Variants in OSBPL1A observed in about 807,000 individuals in gnomAD.
The protein encoded by OSBPL1A is oxysterol-binding protein-related protein 1.
In OSBPL1A, 80 loss-of-function variants were observed where a neutral mutation model predicts 137.1. That is an observed-to-expected ratio of 0.58 (90% confidence interval 0.49 to 0.70). The LOEUF (loss-of-function observed/expected upper bound fraction) is 0.70, where lower values mean the gene tolerates loss of function less well. OSBPL1A is among the 30% of genes least tolerant of loss of function. OSBPL1A has a pLI of 0.00. For missense variants in OSBPL1A, 970 were observed against 1,129.4 expected, an observed-to-expected ratio of 0.86 and a Z score of 2.02; for synonymous variants, 365 against 389.7, an observed-to-expected ratio of 0.94 and a Z score of 0.75.
intron 2 of OSBPL1A, among the ~76,000 whole-genome samples, chr18:24,373,582 C>T (rs1253862544): frequency 6.6e-6 from 1 of 152,218 alleles, no homozygotes; most frequent in Non-Finnish European, 1.5e-5. Context: ...TCACTTTCCA[C>T]TCACATCAGC....
intron 1 of OSBPL1A, among the ~76,000 whole-genome samples, chr18:24,385,165 A>G (rs1339095285): frequency 6.6e-6 from 1 of 152,000 alleles, no homozygotes; most frequent in Admixed American, 6.6e-5. Flanking sequence ...TGTGTTAGCC[A>G]GGATGGTCTC....
chr18:24,167,045 A>C, intron 25 of OSBPL1A, among the ~76,000 whole-genome samples: 1 of 152,196 alleles, frequency 6.6e-6, no homozygotes, highest in East Asian at 1.9e-4. Context: ...GCACCAGCTT[A>C]TATTTAATAA....
chr18:24,251,571 C>T (rs752169947), intron 15 of OSBPL1A, among the ~76,000 whole-genome samples: 1 of 152,164 alleles, frequency 6.6e-6, no homozygotes, highest in Non-Finnish European at 1.5e-5. Flanking sequence ...CAAGTCTCTT[C>T]GAATACCTGG....
chr18:24,177,155 G>A (rs1435970042), intron 21 of OSBPL1A, among the ~76,000 whole-genome samples: 1 of 152,226 alleles, frequency 6.6e-6, no homozygotes, highest in African/African-American at 2.4e-5. Context: ...GTGTGTGATT[G>A]CCACAGCCAC....
intron 1 of OSBPL1A, among the ~76,000 whole-genome samples, chr18:24,385,109 C>T (rs374472649): frequency 1.6e-4 from 25 of 151,958 alleles, no homozygotes; most frequent in East Asian, 9.9e-4. Context: ...CGCCCGCCAC[C>T]ACACCCGGCT....
At chr18:24,323,938 C>T (rs1241871732) in intron 7 of OSBPL1A, among the ~76,000 whole-genome samples, 3 of 57,412 alleles carry the variant, frequency 5.2e-5, no homozygotes, top group Non-Finnish European at 1.0e-4. Flanking sequence ...TTTTCTTAAT[C>T]CAGTCTATCA....
At position 24,343,058 on chromosome 18, in the gene OSBPL1A, A is replaced by G. The variant is rs573003409; in HGVS notation, c.283-1400T>C. 1.3e-4 allele frequency among the ~76,000 whole-genome samples: 20 copies of G among 152,210 alleles called. No homozygotes were observed. The East Asian group carries it at 2.9e-3, about 22-fold the overall frequency. ...AATTAAAGAAAGTAGAGTAACCCAC[A>G]GAATGAGAAAAAAAAATTTACAAAT... is the stretch of plus-strand genomic sequence containing the variant. On this transcript the variant is annotated intron_variant, in intron 4 of 27. Coordinates refer to ENST00000319481, the MANE Select transcript of OSBPL1A (RefSeq NM_080597.4).
At position 24,216,340 on chromosome 18, in the gene OSBPL1A, T is replaced by C. The variant is rs558397626; in HGVS notation, c.1601+8702A>G. ...GGGCAACACAGTGAAACCCTGTCTG[T>C]ACTAAAATACAAAAAAATTAGCTGG... On this transcript the variant is annotated intron_variant, in intron 17 of 27. Coordinates refer to ENST00000319481, the MANE Select transcript of OSBPL1A (RefSeq NM_080597.4). 1.3e-3 allele frequency among the ~76,000 whole-genome samples: 194 copies of C among 152,278 alleles called. 1 individual carries two copies. Among genetic ancestry groups the C allele is most frequent in the African/African-American group, 4.5e-3 (188 of 41,554 alleles).
At chr18:24,330,919 C>T (rs1278517673) in intron 7 of OSBPL1A, among the ~76,000 whole-genome samples, 7 of 151,984 alleles carry the variant, frequency 4.6e-5, no homozygotes, top group South Asian at 2.1e-4. Flanking sequence ...TTCAGCCTCC[C>T]GAGTAGCTGG....
intron 16 of OSBPL1A, among the ~76,000 whole-genome samples, chr18:24,236,700 T>C (rs2088488738): frequency 6.6e-6 from 1 of 152,168 alleles, no homozygotes; most frequent in Non-Finnish European, 1.5e-5. Context: ...GATGTGCTGA[T>C]GAGCCTAGGC....
chr18:24,349,486 G>A (rs1336476278), intron 4 of OSBPL1A, among the ~76,000 whole-genome samples: 1 of 152,070 alleles, frequency 6.6e-6, no homozygotes, highest in Non-Finnish European at 1.5e-5. Context: ...AATAAAATAT[G>A]CAATAGAAAG....
chr18:24,298,106 C>T (rs112073924), intron 14 of OSBPL1A, among the ~76,000 whole-genome samples: 12,050 of 152,106 alleles, frequency 0.079, 1,553 homozygotes, highest in African/African-American at 0.27. Flanking sequence ...CTAGAGTGAC[C>T]TCTGGTCATC....
chr18:24,359,568 C>T (rs2091591146), intron 4 of OSBPL1A, among the ~76,000 whole-genome samples: 1 of 151,754 alleles, frequency 6.6e-6, no homozygotes, highest in Non-Finnish European at 1.5e-5. Flanking sequence ...GTGGCGCACG[C>T]GTATAGTTCT....
chr18:24,272,231 G>A, intron 15 of OSBPL1A: 7 of 982,064 alleles, frequency 7.1e-6, no homozygotes, highest in Non-Finnish European at 8.4e-6. Context: ...CACCGGCCCT[G>A]GCAACTTTTT....
chr18:24,227,540 C>T (rs2088124195), intron 16 of OSBPL1A, among the ~76,000 whole-genome samples: 1 of 152,136 alleles, frequency 6.6e-6, no homozygotes, highest in African/African-American at 2.4e-5. Context: ...AATACAATGA[C>T]AGAAGTTTGT....
intron 13 of OSBPL1A, among the ~76,000 whole-genome samples, chr18:24,307,666 T>C (rs949452249): frequency 6.6e-6 from 1 of 152,254 alleles, no homozygotes; most frequent in Non-Finnish European, 1.5e-5. Context: ...ATATCTTAAA[T>C]ATATCAGCAT....
chr18:24,201,275 C>T (rs1238033927), intron 17 of OSBPL1A, among the ~76,000 whole-genome samples: 1 of 152,178 alleles, frequency 6.6e-6, no homozygotes, highest in Non-Finnish European at 1.5e-5. Context: ...CTATGTGATG[C>T]AAACGGCTCC....
Position 24,271,610 on chromosome 18 carries a change from ACACCCAC to A in OSBPL1A, c.1281+9225_1281+9231del. The A allele has an allele frequency of 1.0e-6, 1 of 986,072 alleles. No homozygotes were observed. Among genetic ancestry groups the A allele is most frequent in the South Asian group, 4.7e-5 (1 of 21,290 alleles). The allele number at this position is 986,072 out of a possible 1,614,324, so 61.1% of individuals were successfully genotyped here. ...CCCGCAAAGCCACCGAGCTGCAAAT[ACACCCAC>A]CTACCTGGGCCAGATCCGAGGACCC... On this transcript the variant is annotated intron_variant, in intron 15 of 27. Transcript: ENST00000319481. The surrounding 1 kb of genome is among the most constrained non-coding windows in gnomAD (Gnocchi z 4.0).
chr18:24,209,207 AATAC>A (rs1388140899), intron 17 of OSBPL1A, among the ~76,000 whole-genome samples: 2 of 152,260 alleles, frequency 1.3e-5, no homozygotes, highest in East Asian at 1.9e-4. Flanking sequence ...TAGTATCCAG[AATAC>A]ATAAAGAATT....
Sources: gnomAD v4.1 joint callset for allele counts (sites outside exome capture counted in the v4.1 genomes callset) on GRCh38, gnomAD v4.1.1 for gene constraint, Gnocchi (gnomAD v3.1) non-coding constraint, MANE v1.5 for transcripts, NCBI Gene and HGNC (gene_info 2026-07-23, HGNC 2026-07-21) for gene names.